The following NEK1 variants were observed in gnomAD, a reference collection of about 807,000 sequenced individuals.
NEK1 encodes the protein NIMA related kinase 1.
NEK1 carries 137 observed loss-of-function variants against 182.1 expected under a neutral mutation model. The ratio of observed to expected loss-of-function variants is 0.75; its 90% confidence interval spans 0.65 to 0.87. The LOEUF is 0.87. Ranked by LOEUF, NEK1 falls within the 40% of genes least tolerant of loss-of-function variation. NEK1 has a pLI of 0.00. For missense variants in NEK1, 1,391 were observed against 1,494.4 expected, an observed-to-expected ratio of 0.93 and a Z score of 1.14; for synonymous variants, 513 against 492.2, an observed-to-expected ratio of 1.04 and a Z score of -0.56.
At chr4:169,547,374 A>T (rs1760675130) in intron 18 of NEK1, among the ~76,000 whole-genome samples, 1 of 152,142 alleles carries the variant, frequency 6.6e-6, no homozygotes, top group Non-Finnish European at 1.5e-5. Context: ...CTTTACCGGT[A>T]ACCTGACCTT....
At chr4:169,456,823 A>T (rs1393851166) in intron 27 of NEK1, among the ~76,000 whole-genome samples, 1 of 152,186 alleles carries the variant, frequency 6.6e-6, no homozygotes, top group Non-Finnish European at 1.5e-5. Context: ...GTCCATCAAC[A>T]GTTGAATGGA....
rs747787508 is a variant in NEK1 at position 169,599,184 on chromosome 4, G to C, written c.228C>G (p.Leu76=). ...YRESFEENGS[L]YIVMDYCEGG... ...CCTCACAGTAATCCATTACTATGTAGAGAGAGCCATTTTCTACAAAATATA... is the reference window on the plus strand; with the variant it reads ...CCTCACAGTAATCCATTACTATGTACAGAGAGCCATTTTCTACAAAATATA... Residue 76 remains leucine, a synonymous_variant, in exon 5 of 36, where the codon CTC becomes CTG. Coordinates refer to ENST00000507142, the MANE Select transcript of NEK1 (RefSeq NM_001199397.3). 1 of 1,610,228 alleles carries C rather than the reference G, an allele frequency of 6.2e-7. No individual in the cohort carries two copies. The highest frequency in any genetic ancestry group is 2.2e-5 in the East Asian group (1 of 44,786).
At chr4:169,467,168 C>T (rs1203080978) in intron 26 of NEK1, among the ~76,000 whole-genome samples, 4 of 152,086 alleles carry the variant, frequency 2.6e-5, no homozygotes, top group Admixed American at 2.6e-4. Flanking sequence ...GTATATAATA[C>T]GTATAACATG....
At chr4:169,457,202 A>G (rs1355456301) in intron 27 of NEK1, among the ~76,000 whole-genome samples, 1 of 152,220 alleles carries the variant, frequency 6.6e-6, no homozygotes, top group African/African-American at 2.4e-5. Context: ...TTTAAAAATA[A>G]CTAAAATAGT....
At chr4:169,541,755 T>C (rs1759458698) in intron 18 of NEK1, among the ~76,000 whole-genome samples, 7 of 152,118 alleles carry the variant, frequency 4.6e-5, no homozygotes, top group Admixed American at 4.6e-4. Context: ...TATTAACTAG[T>C]CCAAGTTTTC....
intron 12 of NEK1, among the ~76,000 whole-genome samples, chr4:169,566,564 C>T (rs998579084): frequency 6.6e-6 from 1 of 152,074 alleles, no homozygotes; most frequent in African/African-American, 2.4e-5. Context: ...CTATGACTTA[C>T]AGGAACTGGA....
intron 27 of NEK1, among the ~76,000 whole-genome samples, chr4:169,440,261 T>G (rs1739190054): frequency 6.6e-6 from 1 of 151,718 alleles, no homozygotes; most frequent in Non-Finnish European, 1.5e-5. Flanking sequence ...GTCAATAGAA[T>G]GCAACATAAT....
intron 5 of NEK1, among the ~76,000 whole-genome samples, chr4:169,597,329 C>T (rs907866351): frequency 6.6e-6 from 1 of 152,060 alleles, no homozygotes; most frequent in Admixed American, 6.6e-5. Flanking sequence ...CTGTGCCTGG[C>T]CAGAAATGGC....
chr4:169,599,219 G>A, intron 4 of NEK1, 22 bp from the exon 5 acceptor site: 1 of 1,532,230 alleles, frequency 6.5e-7, no homozygotes, highest in Non-Finnish European at 9.0e-7. Flanking sequence ...AAACATTACA[G>A]TCCACTTTTA....
rs577341951 is a variant in NEK1, at chr4:169,483,814, C to T, written c.2008-4280G>A. Among the ~76,000 whole-genome samples, 532 of 141,762 alleles carry T rather than the reference C, an allele frequency of 3.8e-3. 2 individuals carry two copies. The highest frequency in any genetic ancestry group is 6.3e-3 in the Non-Finnish European group (421 of 66,872). The allele number at this position is 141,762 out of a possible 152,430, so 93.0% of individuals were successfully genotyped here. Reference sequence around the variant, plus strand: ...CCGTGAGGCAGAGGTTGCAGTGAGCCGAGACTGTGCCACTGCACTCCAGCC... The same window carrying T: ...CCGTGAGGCAGAGGTTGCAGTGAGCTGAGACTGTGCCACTGCACTCCAGCC... On this transcript the variant is annotated intron_variant, in intron 23 of 35. Transcript: ENST00000507142.
chr4:169,576,298 C>T (rs778890001), intron 12 of NEK1, among the ~76,000 whole-genome samples: 6 of 152,128 alleles, frequency 3.9e-5, no homozygotes, highest in Non-Finnish European at 8.8e-5. Flanking sequence ...ACTGATCATT[C>T]CTACTATATA....
intron 32 of NEK1, among the ~76,000 whole-genome samples, chr4:169,404,686 C>T (rs1251571695): frequency 6.6e-6 from 1 of 152,056 alleles, no homozygotes; most frequent in Non-Finnish European, 1.5e-5. Flanking sequence ...TTTTATTACA[C>T]CAAAAAGTGT....
At chr4:169,428,222 C>T (rs139960800) in intron 29 of NEK1, among the ~76,000 whole-genome samples, 28 of 151,698 alleles carry the variant, frequency 1.8e-4, no homozygotes, top group African/African-American at 6.3e-4. Flanking sequence ...AAGGTATATA[C>T]CCAAAGGAAC....
At chr4:169,472,784 A>G (rs537551513) in intron 26 of NEK1, among the ~76,000 whole-genome samples, 1 of 152,214 alleles carries the variant, frequency 6.6e-6, no homozygotes, top group Non-Finnish European at 1.5e-5. Context: ...ACTACTTTTC[A>G]TGTATAAATT....
At chr4:169,603,495 T>C (rs1454651388) in intron 2 of NEK1, among the ~76,000 whole-genome samples, 1 of 152,194 alleles carries the variant, frequency 6.6e-6, no homozygotes, top group Non-Finnish European at 1.5e-5. Context: ...ATGTAAAATG[T>C]GAATAACCAT....
chr4:169,602,290 A>G (rs1033741943), intron 3 of NEK1, among the ~76,000 whole-genome samples, 186 bp from the exon 4 acceptor site: 1 of 152,220 alleles, frequency 6.6e-6, no homozygotes, highest in African/African-American at 2.4e-5. Context: ...AAACTAGATT[A>G]GGTTACAGAA....
chr4:169,566,861 T>G (rs751867494), intron 12 of NEK1, among the ~76,000 whole-genome samples: 6 of 152,098 alleles, frequency 3.9e-5, no homozygotes, highest in Non-Finnish European at 7.4e-5. Flanking sequence ...CCCAGCACTT[T>G]GGGAGGCCGA....
intron 35 of NEK1, 145 bp from the exon 36 acceptor site, chr4:169,394,668 GT>G (rs1730403973): frequency 2.0e-6 from 1 of 490,564 alleles, no homozygotes; most frequent in African/African-American, 2.0e-5. Context: ...CACATTCCTT[GT>G]AAAATATTCA....
chr4:169,508,414 AG>A, intron 20 of NEK1, 83 bp from the exon 21 acceptor site: 1 of 1,129,204 alleles, frequency 8.9e-7, no homozygotes, highest in African/African-American at 1.6e-5. Context: ...TTTAAATTTA[AG>A]GAACAGTGTT....
Sources: allele counts gnomAD v4.1 joint callset (sites outside exome capture counted in the v4.1 genomes callset), GRCh38; gene constraint gnomAD v4.1.1; transcripts MANE v1.5; gene names NCBI Gene and HGNC (gene_info 2026-07-23, HGNC 2026-07-21).